SOS1: variants seen among roughly 807,000 people sequenced by gnomAD.
The protein encoded by SOS1 is SOS Ras/Rac guanine nucleotide exchange factor 1.
A neutral mutation model predicts 157.6 loss-of-function variants in SOS1; 25 were observed. That is an observed-to-expected ratio of 0.16 (90% CI 0.12 to 0.22). SOS1 has a LOEUF of 0.22. Among genes scored for constraint, SOS1 ranks in the 10% least tolerant of loss-of-function variants. SOS1 has a pLI of 1.00. For missense variants in SOS1, 1,237 were observed against 1,599.1 expected (o/e 0.77, Z 3.86); for synonymous variants, 528 against 534.0 (o/e 0.99, Z 0.16).
chr2:39,058,667 C>T lies in SOS1; in HGVS notation c.345+6G>A, dbSNP rs753451143. 9 of 1,612,256 alleles carry T rather than the reference C, an allele frequency of 5.6e-6. No individual in the cohort carries two copies. The Admixed American group carries it at 1.3e-4, about 24-fold the overall frequency. On this transcript the variant is annotated splice_donor_region_variant and intron_variant, in intron 3 of 22. Coordinates refer to ENST00000402219, the MANE Select transcript of SOS1 (RefSeq NM_005633.4). ...AAAAGGCAAGAAGGCAGTAGTTCAG[C>T]ATTACCTTTAATAAAGGATGAATTT...
chr2:38,989,383 T>C (rs572601834), intron 20 of SOS1, 69 bp from the exon 21 acceptor site: 11 of 954,640 alleles, frequency 1.2e-5, no homozygotes, highest in South Asian at 1.1e-4. Flanking sequence ...CTGCAAAAAT[T>C]TGTATTATGA....
chr2:39,028,863 C>T (rs1179968738), intron 8 of SOS1, among the ~76,000 whole-genome samples: 1 of 152,118 alleles, frequency 6.6e-6, no homozygotes, highest in Non-Finnish European at 1.5e-5. Flanking sequence ...GTTCACATTT[C>T]GATTTTGGAA....
chr2:38,999,882 G>A (rs1317017331), intron 17 of SOS1, among the ~76,000 whole-genome samples: 1 of 152,158 alleles, frequency 6.6e-6, no homozygotes, highest in African/African-American at 2.4e-5. Context: ...GAATTAGAAG[G>A]ATTTTGTTTG....
At chr2:39,064,924 ATTT>A (rs571068363) in intron 2 of SOS1, among the ~76,000 whole-genome samples, 1 of 132,334 alleles carries the variant, frequency 7.6e-6, no homozygotes, top group African/African-American at 2.8e-5. Flanking sequence ...ATTTTTTTGT[ATTT>A]TTTTTTTTTT....
intron 8 of SOS1, among the ~76,000 whole-genome samples, chr2:39,027,776 G>T (rs893761659): frequency 6.6e-6 from 1 of 151,794 alleles, no homozygotes; most frequent in Non-Finnish European, 1.5e-5. Flanking sequence ...TAAATCCTGA[G>T]ATTATATTAC....
At chr2:39,105,793 G>C (rs1278856735) in intron 1 of SOS1, among the ~76,000 whole-genome samples, 1 of 152,170 alleles carries the variant, frequency 6.6e-6, no homozygotes, top group East Asian at 1.9e-4. Context: ...CCAGCTACTG[G>C]GGAGGCTGAG....
intron 8 of SOS1, among the ~76,000 whole-genome samples, chr2:39,034,299 T>TTC (rs1670268038): frequency 6.6e-6 from 1 of 152,232 alleles, no homozygotes; most frequent in Admixed American, 6.5e-5. Flanking sequence ...TTACTGTTAA[T>TTC]AAATTCACAG....
chr2:39,083,817 G>C (rs1672286657), intron 1 of SOS1, among the ~76,000 whole-genome samples: 1 of 152,170 alleles, frequency 6.6e-6, no homozygotes, highest in Non-Finnish European at 1.5e-5. Context: ...CCACCAGTAA[G>C]GGAATGGTTG....
At chr2:39,021,472 A>C (rs1434584146) in intron 10 of SOS1, among the ~76,000 whole-genome samples, 4 of 149,848 alleles carry the variant, frequency 2.7e-5, no homozygotes, top group Admixed American at 6.7e-5. Context: ...CCCAAGTATC[A>C]CTGACTTGTG....
intron 9 of SOS1, chr2:39,023,746 A>G: frequency 2.5e-6 from 1 of 405,606 alleles, no homozygotes; most frequent in Non-Finnish European, 4.4e-6. Flanking sequence ...AATCTACCCG[A>G]TACATTTTAC....
At chr2:39,077,776 C>G (rs1468103626) in intron 1 of SOS1, among the ~76,000 whole-genome samples, 1 of 152,136 alleles carries the variant, frequency 6.6e-6, no homozygotes, top group Non-Finnish European at 1.5e-5. Flanking sequence ...AAATTATTCC[C>G]TATCACATAC....
chr2:39,110,944 T>C (rs1016419800), intron 1 of SOS1, among the ~76,000 whole-genome samples: 7 of 152,084 alleles, frequency 4.6e-5, no homozygotes, highest in Non-Finnish European at 1.0e-4. Flanking sequence ...CTATTAAAAA[T>C]ACAAAAATGG....
chr2:38,994,841 T>C (rs983269348), intron 20 of SOS1, among the ~76,000 whole-genome samples: 1 of 152,216 alleles, frequency 6.6e-6, no homozygotes, highest in African/African-American at 2.4e-5. Flanking sequence ...ATAAGAGGAA[T>C]GCATTTGAAA....
chr2:39,107,337 T>G (rs559643569), intron 1 of SOS1, among the ~76,000 whole-genome samples: 1 of 152,298 alleles, frequency 6.6e-6, no homozygotes, highest in African/African-American at 2.4e-5. Flanking sequence ...TGACTGAGCA[T>G]GGCAGGCCTG....
intron 19 of SOS1, among the ~76,000 whole-genome samples, chr2:38,995,774 T>C (rs4142729): frequency 0.94 from 142,921 of 152,272 alleles, 67,166 homozygotes; most frequent in African/African-American, 0.96. Flanking sequence ...ACAATACCTT[T>C]CTATTCTGTA....
intron 15 of SOS1, among the ~76,000 whole-genome samples, chr2:39,008,493 TGTG>T (rs1005719037): frequency 2.6e-5 from 4 of 152,124 alleles, no homozygotes; most frequent in African/African-American, 7.2e-5. Flanking sequence ...CAGTGGAAAT[TGTG>T]GTGAAAGGCA....
chr2:39,051,836 T>A (rs1671029650), intron 5 of SOS1, among the ~76,000 whole-genome samples: 1 of 152,192 alleles, frequency 6.6e-6, no homozygotes, highest in Admixed American at 6.5e-5. Context: ...TGTGACACAT[T>A]ATTTCAAAGT....
intron 1 of SOS1, among the ~76,000 whole-genome samples, chr2:39,094,977 A>T (rs1287368680): frequency 2.0e-5 from 3 of 152,156 alleles, no homozygotes; most frequent in Non-Finnish European, 4.4e-5. Flanking sequence ...ACTGAGCCAC[A>T]ATATATAATA....
At chr2:39,024,850 T>C (rs1343211105) in intron 8 of SOS1, among the ~76,000 whole-genome samples, 3 of 152,232 alleles carry the variant, frequency 2.0e-5, no homozygotes, top group Non-Finnish European at 4.4e-5. Flanking sequence ...ATAAAGAACT[T>C]TGTCCATATC....
Sources: allele counts gnomAD v4.1 joint callset (sites outside exome capture counted in the v4.1 genomes callset), GRCh38; gene constraint gnomAD v4.1.1; transcripts MANE v1.5; gene names NCBI Gene and HGNC (gene_info 2026-07-23, HGNC 2026-07-21).